CORO7: variants seen among roughly 807,000 people sequenced by gnomAD.
CORO7 encodes coronin 7.
In CORO7, 107 loss-of-function variants were observed where a neutral mutation model predicts 126.6. The ratio of observed to expected loss-of-function variants is 0.85; its 90% CI spans 0.72 to 0.99. The LOEUF (loss-of-function observed/expected upper bound fraction) is 0.99. Among genes scored for constraint, CORO7 ranks in the 50% least tolerant of loss-of-function variants. The probability of loss-of-function intolerance (pLI) is 0.00; values close to 1 mark genes in which losing one functional copy is unlikely to be tolerated. For synonymous variants in CORO7, 603 were observed against 536.8 expected, an observed-to-expected ratio of 1.12 and a Z score of -1.70; for missense variants, 1,314 against 1,255.8, an observed-to-expected ratio of 1.05 and a Z score of -0.70.
intron 9 of CORO7, among the ~76,000 whole-genome samples, chr16:4,368,529 C>T (rs2054418584): frequency 6.6e-6 from 1 of 151,956 alleles, no homozygotes; most frequent in Non-Finnish European, 1.5e-5. Context: ...AGGCCGATCA[C>T]TTTGGGTCAG....
At chr16:4,363,688 G>A (rs1388444126) in intron 14 of CORO7, among the ~76,000 whole-genome samples, 1 of 151,816 alleles carries the variant, frequency 6.6e-6, no homozygotes, top group African/African-American at 2.4e-5. Flanking sequence ...CTCCAGCCTA[G>A]ACGACAGGGC....
chr16:4,392,814 G>A (rs2055441904), intron 7 of CORO7, among the ~76,000 whole-genome samples: 1 of 152,314 alleles, frequency 6.6e-6, no homozygotes, highest in South Asian at 2.1e-4. Flanking sequence ...GCCACACGGA[G>A]AGCGGCATTC....
intron 4 of CORO7, 114 bp downstream of exon 4, chr16:4,408,067 G>C: frequency 6.7e-7 from 1 of 1,484,538 alleles, no homozygotes; most frequent in Admixed American, 1.7e-5. Flanking sequence ...CCTGGGGAGT[G>C]GGGTGGGGCT....
chr16:4,361,224 A>C lies in CORO7; in HGVS notation c.1712T>G (p.Leu571Arg). 6.2e-7 allele frequency: 1 copy of C among 1,612,754 alleles called. No individual in the cohort carries two copies. Among genetic ancestry groups the C allele is most frequent in the Non-Finnish European group, 8.5e-7 (1 of 1,179,988 alleles). The stretch of plus-strand genomic sequence containing the variant: ...CAGGCCCTCTGCGGGTACCCGCCAC[A>C]GTCGGATCCTGGCGTCCTCACCAGC... Reference protein sequence around the residue: ...AVAGEDARIRLWRVPAEGLEE... With the variant: ...AVAGEDARIRRWRVPAEGLEE... Residue 571 changes from leucine (L) to arginine (R), a missense_variant, in exon 18 of 28, where the codon CTG becomes CGG. Physicochemically the swap from Leu to Arg is moderately radical, Grantham distance 102. Transcript: ENST00000251166.
At chr16:4,388,912 T>C (rs2055291249) in intron 7 of CORO7, among the ~76,000 whole-genome samples, 1 of 152,146 alleles carries the variant, frequency 6.6e-6, no homozygotes, top group African/African-American at 2.4e-5. Flanking sequence ...AGGAGAGGGC[T>C]GCCTCACTCC....
intron 9 of CORO7, among the ~76,000 whole-genome samples, 187 bp from the exon 10 acceptor site, chr16:4,365,732 C>G (rs1339984342): frequency 1.3e-5 from 2 of 152,190 alleles, no homozygotes; most frequent in African/African-American, 4.8e-5. Context: ...CACACGCCCA[C>G]ACCCCAGCTG....
At chr16:4,384,501 C>A (rs1174803751) in intron 9 of CORO7, among the ~76,000 whole-genome samples, 1 of 152,226 alleles carries the variant, frequency 6.6e-6, no homozygotes, top group Non-Finnish European at 1.5e-5. Flanking sequence ...CCTGCAGACC[C>A]CATGCCACTG....
intron 23 of CORO7, 71 bp downstream of exon 23, chr16:4,359,225 G>T: frequency 1.3e-6 from 2 of 1,485,098 alleles, no homozygotes; most frequent in Non-Finnish European, 9.0e-7. Flanking sequence ...TCCTGTACTT[G>T]CCCACATGGC....
At chr16:4,391,305 T>C (rs2055381042) in intron 7 of CORO7, among the ~76,000 whole-genome samples, 1 of 152,070 alleles carries the variant, frequency 6.6e-6, no homozygotes, top group African/African-American at 2.4e-5. Flanking sequence ...CCTGTAATCT[T>C]GGCATTTTGG....
chr16:4,406,009 C>T (rs1015879603), intron 5 of CORO7, among the ~76,000 whole-genome samples: 2 of 152,202 alleles, frequency 1.3e-5, no homozygotes, highest in Non-Finnish European at 2.9e-5. Flanking sequence ...AAGTCCTAAC[C>T]CCCACTACTT....
At chr16:4,413,682 C>T (rs1048048601) in intron 1 of CORO7, among the ~76,000 whole-genome samples, 94 of 151,800 alleles carry the variant, frequency 6.2e-4, no homozygotes, top group African/African-American at 2.2e-3. Flanking sequence ...GGATTACAGG[C>T]GCCCAACACC....
chr16:4,382,406 CGCT>C, intron 9 of CORO7: 1 of 1,611,822 alleles, frequency 6.2e-7, no homozygotes, highest in Non-Finnish European at 8.5e-7. Flanking sequence ...CGGCTGGTGA[CGCT>C]GCGACTGCCT....
At chr16:4,393,434 G>T (rs556946055) in intron 7 of CORO7, among the ~76,000 whole-genome samples, 1 of 152,324 alleles carries the variant, frequency 6.6e-6, no homozygotes, top group Non-Finnish European at 1.5e-5. Context: ...TACGACCAGG[G>T]TGTGGCCAAA....
At chr16:4,374,808 C>T (rs1032315298) in intron 9 of CORO7, among the ~76,000 whole-genome samples, 6 of 152,134 alleles carry the variant, frequency 3.9e-5, no homozygotes, top group Non-Finnish European at 7.4e-5. Context: ...CCTTCCAGGG[C>T]CACTTCCTTC....
In CORO7 at chr16:4,413,349, T is replaced by G; in HGVS notation, c.116A>C (p.Lys39Thr). ...GAAGGCGATCAAGCTGCAGCTTGAT[T>G]TGATGTGGTTCCTGCATGAAGGGGC... ...GTAPSCRNHIKSSCSLIAFNS... is the reference protein window; with the variant it reads ...GTAPSCRNHITSSCSLIAFNS... Residue 39 changes from lysine to threonine, a missense_variant, in exon 2 of 28, where the codon AAA becomes ACA. Transcript: ENST00000251166. 6.3e-7 allele frequency: 1 copy of G among 1,586,892 alleles called. No individual in the cohort carries two copies. Among genetic ancestry groups the G allele is most frequent in the Non-Finnish European group, 8.6e-7 (1 of 1,165,672 alleles).
In CORO7 at chr16:4,357,249, G is replaced by T. The variant is rs1489080024; in HGVS notation, c.2604C>A (p.Ala868=). ...QPPDMSPVSQ[A]PREAPARRAP... is the part of the protein sequence containing the mutation. ...CCCGACGAGCAGGGGCCTCTCGGGG[G>T]GCTTGGCTCACTGGGACAGAGCAAG... The change falls in exon 26 of 28, where the codon GCC becomes GCA. Residue 868 remains alanine, a synonymous_variant. Transcript: ENST00000251166. The T allele has an allele frequency of 7.4e-6, 12 of 1,613,140 alleles. No individual in the cohort carries two copies. The highest frequency in any genetic ancestry group is 4.0e-5 in the African/African-American group (3 of 74,870).
At chr16:4,398,631 A>G (rs1323066142) in intron 6 of CORO7, among the ~76,000 whole-genome samples, 1 of 147,456 alleles carries the variant, frequency 6.8e-6, no homozygotes, top group Non-Finnish European at 1.5e-5. Flanking sequence ...ATGCCATTGC[A>G]CTCCAGCCTG....
At chr16:4,376,102 G>T (rs2054719348) in intron 9 of CORO7, among the ~76,000 whole-genome samples, 1 of 152,164 alleles carries the variant, frequency 6.6e-6, no homozygotes, top group African/African-American at 2.4e-5. Context: ...CTATAGGGAG[G>T]GTCTACCTGC....
At position 4,395,340 on chromosome 16, in the gene CORO7, C is replaced by G. The variant is rs1429472190; in HGVS notation, c.565-1G>C. ...GGTCAAAGATCCGCAGCTGCTTGTC[C>G]TGGAAAAGCAGAGAGGAGGAAACAA... On this transcript the variant is annotated splice_acceptor_variant, in intron 6 of 27. Coordinates refer to ENST00000251166, the MANE Select transcript of CORO7 (RefSeq NM_024535.5). LOFTEE classifies it high-confidence loss of function. 1 of 1,613,938 alleles carries G rather than the reference C, an allele frequency of 6.2e-7. No individual in the cohort carries two copies. Among genetic ancestry groups the G allele is most frequent in the Non-Finnish European group, 8.5e-7 (1 of 1,180,022 alleles).
Sources: allele counts gnomAD v4.1 joint callset (sites outside exome capture counted in the v4.1 genomes callset), GRCh38; gene constraint gnomAD v4.1.1; transcripts MANE v1.5; gene names NCBI Gene and HGNC (gene_info 2026-07-23, HGNC 2026-07-21).